CNTN5: variants seen among roughly 807,000 people sequenced by gnomAD.
The protein encoded by CNTN5 is contactin-5.
CNTN5 carries 77 observed loss-of-function variants against 129.1 expected under a neutral mutation model. The ratio of observed to expected loss-of-function variants is 0.60; its 90% confidence interval spans 0.50 to 0.72. CNTN5 has a LOEUF of 0.72. Ranked by LOEUF, CNTN5 falls within the 30% of genes least tolerant of loss-of-function variation. The probability of loss-of-function intolerance (pLI) is 0.00; values close to 1 mark genes in which losing one functional copy is unlikely to be tolerated. For synonymous variants in CNTN5, 509 were observed against 465.6 expected (o/e 1.09, Z -1.20); for missense variants, 1,478 against 1,328.8 (o/e 1.11, Z -1.75).
At chr11:99,825,865 C>T (rs1946937882) in intron 4 of CNTN5, among the ~76,000 whole-genome samples, 1 of 151,972 alleles carries the variant, frequency 6.6e-6, no homozygotes. Flanking sequence ...TTTGCTTATT[C>T]ACCCAGCACT....
chr11:99,873,769 A>G (rs1410012444), intron 6 of CNTN5, among the ~76,000 whole-genome samples: 1 of 152,176 alleles, frequency 6.6e-6, no homozygotes, highest in Non-Finnish European at 1.5e-5. Flanking sequence ...CATGTTTATC[A>G]TAGCACTGTT....
chr11:100,326,406 A>T (rs1314673666), intron 21 of CNTN5, among the ~76,000 whole-genome samples: 1 of 152,218 alleles, frequency 6.6e-6, no homozygotes, highest in Non-Finnish European at 1.5e-5. Flanking sequence ...GAAATATTAA[A>T]ATCTTAACAG....
intron 2 of CNTN5, among the ~76,000 whole-genome samples, chr11:99,433,645 C>A (rs1436110275): frequency 1.3e-5 from 2 of 151,990 alleles, no homozygotes; most frequent in African/African-American, 4.8e-5. Context: ...CAATGAATAC[C>A]ATTATGAAAC....
intron 2 of CNTN5, among the ~76,000 whole-genome samples, chr11:99,531,673 C>G (rs779703671): frequency 3.3e-5 from 5 of 152,334 alleles, no homozygotes; most frequent in Non-Finnish European, 7.3e-5. Flanking sequence ...CCAACCGTTC[C>G]AGCCGTGGCT....
chr11:99,309,789 TAATC>T (rs1196390361), intron 1 of CNTN5, among the ~76,000 whole-genome samples: 2 of 152,204 alleles, frequency 1.3e-5, no homozygotes, highest in Admixed American at 6.5e-5. Context: ...ATGATAATAT[TAATC>T]AAACAATTGT....
chr11:100,236,143 G>A (rs957942957), intron 16 of CNTN5, among the ~76,000 whole-genome samples: 3 of 152,112 alleles, frequency 2.0e-5, no homozygotes, highest in Admixed American at 6.5e-5. Flanking sequence ...CACGTGCACG[G>A]ATGATCAAAG....
chr11:99,836,647 G>T (rs1366688916), intron 4 of CNTN5, among the ~76,000 whole-genome samples: 1 of 151,912 alleles, frequency 6.6e-6, no homozygotes, highest in Non-Finnish European at 1.5e-5. Context: ...TAATCCTTTG[G>T]GTATATACCC....
intron 1 of CNTN5, among the ~76,000 whole-genome samples, chr11:99,232,114 AT>A (rs1172112639): frequency 6.6e-6 from 1 of 152,040 alleles, no homozygotes. Context: ...TTTGCTTAGG[AT>A]TGTCTTGGCT....
At chr11:99,858,798 C>G (rs1408008750) in intron 6 of CNTN5, among the ~76,000 whole-genome samples, 3 of 151,506 alleles carry the variant, frequency 2.0e-5, no homozygotes, top group African/African-American at 7.3e-5. Context: ...CCAACTTGCA[C>G]GATTTTTAAA....
chr11:99,365,975 A>G (rs2136119633), intron 2 of CNTN5, among the ~76,000 whole-genome samples: 1 of 152,216 alleles, frequency 6.6e-6, no homozygotes, highest in South Asian at 2.1e-4. Context: ...AGCCTAAGGG[A>G]AAGAGTATTA....
chr11:99,865,590 A>C (rs1948333911), intron 6 of CNTN5, among the ~76,000 whole-genome samples: 1 of 152,034 alleles, frequency 6.6e-6, no homozygotes, highest in African/African-American at 2.4e-5. Context: ...AATATATTTT[A>C]AGTAATCTAA....
At chr11:99,224,386 T>C (rs1860564956) in intron 1 of CNTN5, among the ~76,000 whole-genome samples, 1 of 152,144 alleles carries the variant, frequency 6.6e-6, no homozygotes. Flanking sequence ...ACAAGTAAAC[T>C]TCCAAGTAGC....
rs564043626 is a variant in CNTN5 at position 99,381,467 on chromosome 11, G to A, written c.-71+55983G>A. Among the ~76,000 whole-genome samples, 425 of 152,228 alleles carry A rather than the reference G, an allele frequency of 2.8e-3. 2 individuals carry two copies. The highest frequency in any genetic ancestry group is 4.0e-3 in the Admixed American group (61 of 15,276). On this transcript the variant is annotated intron_variant, in intron 2 of 24. Transcript: ENST00000524871. ...TGCAATTGGCATTGAACTTGAAAAG[G>A]ACAAAGAAATGGCTGTATGCAGAAG...
intron 9 of CNTN5, among the ~76,000 whole-genome samples, chr11:100,005,807 T>C (rs1940155074): frequency 6.6e-6 from 1 of 152,172 alleles, no homozygotes; most frequent in African/African-American, 2.4e-5. Flanking sequence ...TTTTATATAA[T>C]AATGGTTTGA....
At chr11:99,443,363 A>C (rs1250090752) in intron 2 of CNTN5, among the ~76,000 whole-genome samples, 2 of 152,176 alleles carry the variant, frequency 1.3e-5, no homozygotes, top group Non-Finnish European at 2.9e-5. Context: ...CATGGTCCCA[A>C]ATGAATTGTT....
rs1039649856 is a variant in CNTN5, at chr11:99,961,529, G to A, written c.877+4520G>A. On this transcript the variant is annotated intron_variant, in intron 8 of 24. Transcript: ENST00000524871. The stretch of plus-strand genomic sequence containing the variant: ...CTAAAGAAAGGGTTGAGGACCATAT[G>A]CCCAATGGAAGCTTGAGGACATTCT... Among the ~76,000 whole-genome samples the A allele has an allele frequency of 1.3e-4, 20 of 152,266 alleles. No individual in the cohort carries two copies. The East Asian group carries it at 3.7e-3, about 28-fold the overall frequency.
intron 21 of CNTN5, among the ~76,000 whole-genome samples, chr11:100,336,355 A>C (rs1465311220): frequency 1.3e-5 from 2 of 152,242 alleles, no homozygotes; most frequent in African/African-American, 4.8e-5. Context: ...CAAATGTTTT[A>C]CAGTAGGACC....
chr11:99,272,839 CATAAAT>C (rs1174943107), intron 1 of CNTN5, among the ~76,000 whole-genome samples: 1 of 151,734 alleles, frequency 6.6e-6, no homozygotes, highest in African/African-American at 2.4e-5. Flanking sequence ...TTAGCAGAAG[CATAAAT>C]ATAAACTAGT....
chr11:99,087,154 A>G (rs1321538160), intron 1 of CNTN5, among the ~76,000 whole-genome samples: 1 of 152,218 alleles, frequency 6.6e-6, no homozygotes, highest in East Asian at 1.9e-4. Context: ...TATGCCAAGC[A>G]CATAGATTTA....
Sources: gnomAD v4.1 joint callset for allele counts (sites outside exome capture counted in the v4.1 genomes callset) on GRCh38, gnomAD v4.1.1 for gene constraint, MANE v1.5 for transcripts, NCBI Gene and HGNC (gene_info 2026-07-23, HGNC 2026-07-21) for gene names.